The following SUGCT variants were observed in gnomAD, a reference collection of about 807,000 sequenced individuals.
SUGCT encodes the protein succinyl-CoA:glutarate-CoA transferase.
A neutral mutation model predicts 55.0 loss-of-function variants in SUGCT; 41 were observed. The observed-to-expected ratio is 0.74, with a 90% confidence interval of 0.58 to 0.97. The LOEUF is 0.97. SUGCT is among the 50% of genes least tolerant of loss of function. The pLI is 0.00. For missense variants in SUGCT, 568 were observed against 547.8 expected, an observed-to-expected ratio of 1.04 and a Z score of -0.37; for synonymous variants, 187 against 200.4, an observed-to-expected ratio of 0.93 and a Z score of 0.56.
intron 13 of SUGCT, among the ~76,000 whole-genome samples, chr7:40,831,509 C>G (rs766201530): frequency 1.3e-5 from 2 of 152,158 alleles, no homozygotes; most frequent in Non-Finnish European, 2.9e-5. Flanking sequence ...GGCTGTCATA[C>G]GAAACTTCAA....
intron 1 of SUGCT, among the ~76,000 whole-genome samples, chr7:40,167,504 G>C (rs1562809558): frequency 6.6e-6 from 1 of 152,058 alleles, no homozygotes; most frequent in Admixed American, 6.6e-5. Context: ...AGATGGAGTG[G>C]GCTGCTCCCA....
intron 12 of SUGCT, among the ~76,000 whole-genome samples, chr7:40,502,958 C>T (rs1158598929): frequency 1.3e-5 from 2 of 152,044 alleles, no homozygotes; most frequent in Non-Finnish European, 1.5e-5. Context: ...TTCTACTACC[C>T]GTTTCTTTTT....
chr7:40,361,339 C>T (rs1798142644), intron 9 of SUGCT, among the ~76,000 whole-genome samples: 1 of 152,026 alleles, frequency 6.6e-6, no homozygotes, highest in South Asian at 2.1e-4. Context: ...CTTTGGGAGG[C>T]TGAGGTGGGT....
At position 40,762,721 on chromosome 7, in the gene SUGCT, A is replaced by G. The variant is rs1788593880; in HGVS notation, c.1153+13224A>G. ...AATAGAGAAAACTATTTAATTTGCT[A>G]TAATTCAGGTTGCCTGAAGCCTCCA... On this transcript the variant is annotated intron_variant, in intron 13 of 13. Transcript: ENST00000335693. 3.3e-5 allele frequency among the ~76,000 whole-genome samples: 5 copies of G among 152,208 alleles called. No individual in the cohort carries two copies. In the South Asian group the frequency reaches 1.0e-3, roughly 32 times the overall value.
intron 9 of SUGCT, among the ~76,000 whole-genome samples, chr7:40,324,261 A>ATATATATATATATATATATATT (rs377215730): frequency 0.019 from 1,915 of 99,140 alleles, 40 homozygotes; most frequent in South Asian, 0.025. Context: ...AAATATATAT[A>ATATATATATATATATATATATT]TATTTATTTT....
At chr7:40,587,896 T>C (rs1261527249) in intron 12 of SUGCT, among the ~76,000 whole-genome samples, 3 of 151,390 alleles carry the variant, frequency 2.0e-5, no homozygotes, top group Non-Finnish European at 2.9e-5. Context: ...TTTTCTTCTT[T>C]CTTTCTGTTT....
chr7:40,647,253 G>T (rs1458017234), intron 12 of SUGCT, among the ~76,000 whole-genome samples: 1 of 152,204 alleles, frequency 6.6e-6, no homozygotes, highest in African/African-American at 2.4e-5. Context: ...TGTGTATTTG[G>T]TAGGGGAGAG....
At chr7:40,435,897 C>T (rs2151395444) in intron 9 of SUGCT, among the ~76,000 whole-genome samples, 2 of 151,484 alleles carry the variant, frequency 1.3e-5, no homozygotes, top group Middle Eastern at 7.0e-3. Context: ...TTTTCATCTC[C>T]CATATGCCAT....
intron 12 of SUGCT, among the ~76,000 whole-genome samples, chr7:40,621,513 A>G (rs1485424865): frequency 3.3e-5 from 5 of 152,186 alleles, no homozygotes; most frequent in African/African-American, 1.2e-4. Context: ...GCCTTTGGCT[A>G]TAAAGCAAAG....
intron 13 of SUGCT, among the ~76,000 whole-genome samples, chr7:40,766,630 A>AT (rs1320471405): frequency 6.6e-6 from 1 of 152,036 alleles, no homozygotes; most frequent in Non-Finnish European, 1.5e-5. Flanking sequence ...GAAGCAAATA[A>AT]TTTTTTCCTG....
chr7:40,404,441 CTTT>C (rs796273282), intron 9 of SUGCT, among the ~76,000 whole-genome samples: 1 of 142,542 alleles, frequency 7.0e-6, no homozygotes, highest in Admixed American at 7.0e-5. Context: ...ATCCACTTGA[CTTT>C]TTTTTTTTTT....
At chr7:40,439,033 A>C (rs1788325424) in intron 9 of SUGCT, among the ~76,000 whole-genome samples, 1 of 132,786 alleles carries the variant, frequency 7.5e-6, no homozygotes. Context: ...TATATATAAT[A>C]TGGTATATAT....
At chr7:40,531,186 A>G (rs1482111779) in intron 12 of SUGCT, among the ~76,000 whole-genome samples, 2 of 152,224 alleles carry the variant, frequency 1.3e-5, no homozygotes, top group East Asian at 1.9e-4. Flanking sequence ...CATAAGATGC[A>G]CATGGAGAAA....
At chr7:40,914,009 G>T in the SUGCT span, among the ~76,000 whole-genome samples, 1 of 151,620 alleles carries the variant, frequency 6.6e-6, no homozygotes, top group Non-Finnish European at 1.5e-5. Context: ...CAAAAATATG[G>T]CATTTGACAA....
chr7:40,411,532 T>C (rs1261390638), intron 9 of SUGCT, among the ~76,000 whole-genome samples: 1 of 152,126 alleles, frequency 6.6e-6, no homozygotes, highest in Non-Finnish European at 1.5e-5. Flanking sequence ...AGACAAGTAG[T>C]GGATGTCCTC....
chr7:40,448,961 T>TATAGAG (rs1317265694), intron 9 of SUGCT, among the ~76,000 whole-genome samples: 124 of 144,150 alleles, frequency 8.6e-4, no homozygotes, highest in Middle Eastern at 3.5e-3. Flanking sequence ...TATATATATA[T>TATAGAG]AGAGAGAGAG....
At chr7:40,571,280 A>G (rs1156533954) in intron 12 of SUGCT, among the ~76,000 whole-genome samples, 1 of 152,238 alleles carries the variant, frequency 6.6e-6, no homozygotes, top group Non-Finnish European at 1.5e-5. Context: ...TATTGATGAA[A>G]ATAAAGTAAA....
intron 12 of SUGCT, among the ~76,000 whole-genome samples, chr7:40,614,711 A>G (rs1272095921): frequency 2.0e-5 from 3 of 152,216 alleles, no homozygotes; most frequent in African/African-American, 7.2e-5. Context: ...TAAAGGCCAT[A>G]CTACTCAATG....
chr7:41,018,819 T>C, the SUGCT span, among the ~76,000 whole-genome samples: 2 of 152,248 alleles, frequency 1.3e-5, no homozygotes, highest in Non-Finnish European at 2.9e-5. Flanking sequence ...TTGTTAACAA[T>C]GATTAATAAT....
Sources: gnomAD v4.1 joint callset for allele counts (sites outside exome capture counted in the v4.1 genomes callset) on GRCh38, gnomAD v4.1.1 for gene constraint, MANE v1.5 for transcripts, NCBI Gene and HGNC (gene_info 2026-07-23, HGNC 2026-07-21) for gene names.